AGBL4: variants seen among roughly 807,000 people sequenced by gnomAD.
AGBL4 encodes the protein AGBL carboxypeptidase 4, also known as cytosolic carboxypeptidase 6.
Under a neutral mutation model 66.4 loss-of-function variants are expected in AGBL4, and 58 were observed. That is an observed-to-expected ratio of 0.87 (90% confidence interval 0.71 to 1.09). The LOEUF (loss-of-function observed/expected upper bound fraction) is 1.09. Ranked by LOEUF, AGBL4 falls within the 50% of genes least tolerant of loss-of-function variation. The probability of loss-of-function intolerance (pLI) is 0.00; values close to 1 mark genes in which losing one functional copy is unlikely to be tolerated. For synonymous variants in AGBL4, 234 were observed against 222.9 expected (o/e 1.05, Z -0.44); for missense variants, 579 against 631.0 (o/e 0.92, Z 0.88).
At chr1:48,996,827 C>CTTCCTTCT (rs1661041667) in intron 5 of AGBL4, among the ~76,000 whole-genome samples, 1 of 151,246 alleles carries the variant, frequency 6.6e-6, no homozygotes, top group Non-Finnish European at 1.5e-5. Context: ...CCCTTCCTTC[C>CTTCCTTCT]TTCCTTCCTT....
chr1:49,753,325 T>C (rs779759410), intron 2 of AGBL4, among the ~76,000 whole-genome samples: 46 of 152,344 alleles, frequency 3.0e-4, no homozygotes, highest in South Asian at 1.2e-3. Context: ...CCTTTGCCTA[T>C]GAAGCTTAGA....
At chr1:49,049,709 C>T (rs72895662) in intron 4 of AGBL4, among the ~76,000 whole-genome samples, 4,871 of 151,950 alleles carry the variant, frequency 0.032, 223 homozygotes, top group African/African-American at 0.1. Context: ...AGAGGGCTGC[C>T]TTACAGAGAA....
At chr1:49,495,038 CTTAA>C (rs1428524654) in intron 3 of AGBL4, among the ~76,000 whole-genome samples, 1 of 152,062 alleles carries the variant, frequency 6.6e-6, no homozygotes, top group Non-Finnish European at 1.5e-5. Flanking sequence ...AATTTATTTA[CTTAA>C]TTAGAGTTCT....
At chr1:49,114,792 T>C (rs1645482340) in intron 4 of AGBL4, among the ~76,000 whole-genome samples, 1 of 152,164 alleles carries the variant, frequency 6.6e-6, no homozygotes, top group Admixed American at 6.6e-5. Context: ...TCAGTGGAGC[T>C]TTCAGAACAC....
intron 3 of AGBL4, among the ~76,000 whole-genome samples, chr1:49,522,229 T>G (rs1265509565): frequency 1.3e-5 from 2 of 152,146 alleles, no homozygotes; most frequent in African/African-American, 4.8e-5. Flanking sequence ...ATTTACTATC[T>G]GTATGACCTT....
At chr1:49,826,179 A>G (rs773696306) in intron 2 of AGBL4, among the ~76,000 whole-genome samples, 1 of 152,162 alleles carries the variant, frequency 6.6e-6, no homozygotes, top group Non-Finnish European at 1.5e-5. Flanking sequence ...AAAATTAATA[A>G]AAAACAAAAA....
chr1:49,740,574 C>T (rs1650357695), intron 2 of AGBL4, among the ~76,000 whole-genome samples: 1 of 152,192 alleles, frequency 6.6e-6, no homozygotes, highest in South Asian at 2.1e-4. Flanking sequence ...CAGAACTCTC[C>T]ACCCCAAATC....
chr1:49,084,828 C>T (rs1293739655), intron 4 of AGBL4, among the ~76,000 whole-genome samples: 3 of 152,252 alleles, frequency 2.0e-5, no homozygotes, highest in African/African-American at 7.2e-5. Context: ...CAATGATTGG[C>T]TTGAGACAGC....
intron 5 of AGBL4, among the ~76,000 whole-genome samples, chr1:48,993,817 C>T (rs547860000): frequency 1.3e-5 from 2 of 152,246 alleles, no homozygotes; most frequent in African/African-American, 4.8e-5. Context: ...ACAATCACTG[C>T]ACTCTCCCTC....
intron 2 of AGBL4, among the ~76,000 whole-genome samples, chr1:49,786,955 G>A (rs1297167365): frequency 5.9e-5 from 9 of 152,086 alleles, no homozygotes; most frequent in Non-Finnish European, 1.3e-4. Context: ...TTCCAACAAG[G>A]TTTTTCTCAT....
intron 1 of AGBL4, among the ~76,000 whole-genome samples, chr1:49,928,187 T>A (rs773664952): frequency 2.0e-5 from 3 of 152,186 alleles, no homozygotes; most frequent in Non-Finnish European, 2.9e-5. Context: ...AACATAAGTA[T>A]CATTGAGCTG....
At chr1:48,853,718 C>T (rs181440877) in intron 6 of AGBL4, among the ~76,000 whole-genome samples, 2 of 152,026 alleles carry the variant, frequency 1.3e-5, no homozygotes, top group African/African-American at 4.8e-5. Flanking sequence ...TTCCTTTATC[C>T]TTCAGATTCC....
chr1:49,197,658 A>T (rs1256028985), intron 4 of AGBL4, among the ~76,000 whole-genome samples: 1 of 152,144 alleles, frequency 6.6e-6, no homozygotes, highest in African/African-American at 2.4e-5. Flanking sequence ...TGTCCTGACC[A>T]AGGGAGCTTT....
At chr1:49,267,630 A>C (rs958582526) in intron 3 of AGBL4, among the ~76,000 whole-genome samples, 57 of 152,036 alleles carry the variant, frequency 3.7e-4, no homozygotes, top group African/African-American at 1.2e-3. Flanking sequence ...CAGTGAGCTG[A>C]GATCACACCA....
At chr1:49,737,987 C>T (rs1236574335) in intron 2 of AGBL4, among the ~76,000 whole-genome samples, 2 of 152,134 alleles carry the variant, frequency 1.3e-5, no homozygotes, top group African/African-American at 4.8e-5. Flanking sequence ...ACAGTGGGTG[C>T]AGTGCACCGA....
At position 49,186,528 on chromosome 1, in the gene AGBL4, C is replaced by A. The variant is rs1041262362; in HGVS notation, c.377+59242G>T. Among the ~76,000 whole-genome samples the A allele has an allele frequency of 3.9e-5, 6 of 152,110 alleles. No homozygotes were observed. The East Asian group carries it at 1.2e-3, about 29-fold the overall frequency. On this transcript the variant is annotated intron_variant, in intron 4 of 13. Coordinates refer to ENST00000371839, the MANE Select transcript of AGBL4 (RefSeq NM_032785.4). ...TGTAAAATGGTGATAATAAAACCAA[C>A]CCTACATGGTAACAACAATACCAAG...
intron 9 of AGBL4, among the ~76,000 whole-genome samples, chr1:48,611,279 C>T (rs1645235087): frequency 6.6e-6 from 1 of 152,180 alleles, no homozygotes; most frequent in Non-Finnish European, 1.5e-5. Flanking sequence ...GTCAGATGGC[C>T]TGACTTCCCA....
intron 3 of AGBL4, among the ~76,000 whole-genome samples, chr1:49,326,269 C>A (rs567848651): frequency 6.6e-6 from 1 of 152,208 alleles, no homozygotes; most frequent in Admixed American, 6.5e-5. Context: ...TAAAAAAATT[C>A]CCCTTTGAGC....
intron 3 of AGBL4, among the ~76,000 whole-genome samples, chr1:49,613,577 C>T (rs775797218): frequency 6.6e-6 from 1 of 152,034 alleles, no homozygotes; most frequent in African/African-American, 2.4e-5. Context: ...GAGTACAAAC[C>T]CTATTGTGAG....
Sources: allele counts gnomAD v4.1 joint callset (sites outside exome capture counted in the v4.1 genomes callset), GRCh38; gene constraint gnomAD v4.1.1; transcripts MANE v1.5; gene names NCBI Gene and HGNC (gene_info 2026-07-23, HGNC 2026-07-21).